ADCY5: variants seen among roughly 807,000 people sequenced by gnomAD.
ADCY5 encodes the protein adenylate cyclase type 5.
Under a neutral mutation model 119.7 loss-of-function variants are expected in ADCY5, and 30 were observed. That is an observed-to-expected ratio of 0.25 (90% CI 0.19 to 0.34). ADCY5 has a LOEUF of 0.34. ADCY5 is among the 10% of genes least tolerant of loss of function. ADCY5 has a pLI of 1.00. For missense variants in ADCY5, 1,324 were observed against 1,775.2 expected (o/e 0.75, Z 4.57); for synonymous variants, 753 against 762.2 (o/e 0.99, Z 0.20).
Position 123,297,186 on chromosome 3 carries a change from G to A in ADCY5, c.2930+167C>T, listed in dbSNP as rs76895737. 8.8e-4 allele frequency: 1,173 copies of A among 1,337,160 alleles called. 21 individuals carry two copies. The East Asian group carries it at 0.025, about 29-fold the overall frequency. The allele number at this position is 1,337,160 out of a possible 1,614,324, so 82.8% of individuals were successfully genotyped here. A position where few individuals can be genotyped will look rare whatever the true frequency, so the allele number is the denominator to read the frequency against. ...AAAGTGACCAGGGCCTCTGCCCCCC[G>A]AGGACGCCTTGCTACCCCAGGAGGA... On this transcript the variant is annotated intron_variant, in intron 16 of 20. Transcript: ENST00000462833.
chr3:123,412,433 G>C (rs116488955), intron 1 of ADCY5, among the ~76,000 whole-genome samples: 2,783 of 152,320 alleles, frequency 0.018, 77 homozygotes, highest in African/African-American at 0.063. Context: ...TCCAAAAGCC[G>C]GGAAACCATG....
At chr3:123,396,933 ATGC>A (rs1161336808) in intron 1 of ADCY5, among the ~76,000 whole-genome samples, 1 of 152,028 alleles carries the variant, frequency 6.6e-6, no homozygotes, top group African/African-American at 2.4e-5. Context: ...CTTCACACAC[ATGC>A]CTCACCCTTC....
chr3:123,396,620 AAGGG>A (rs139662616), intron 1 of ADCY5, among the ~76,000 whole-genome samples: 3,507 of 132,086 alleles, frequency 0.027, 171 homozygotes, highest in African/African-American at 0.092. Context: ...AGGGAGGAAG[AAGGG>A]AGGGAGGGAG....
chr3:123,379,702 GA>G (rs1436288303), intron 1 of ADCY5, among the ~76,000 whole-genome samples: 2 of 152,008 alleles, frequency 1.3e-5, no homozygotes, highest in African/African-American at 4.8e-5. Context: ...TGAGGGTGGG[GA>G]GGCCTCACAG....
intron 3 of ADCY5, among the ~76,000 whole-genome samples, chr3:123,333,723 G>A (rs1380277068): frequency 6.6e-6 from 1 of 152,220 alleles, no homozygotes; most frequent in Non-Finnish European, 1.5e-5. Flanking sequence ...CACCTCGAGG[G>A]CACTGGGCCT....
At chr3:123,312,706 C>A (rs188413908) in intron 12 of ADCY5, among the ~76,000 whole-genome samples, 9 of 152,336 alleles carry the variant, frequency 5.9e-5, no homozygotes, top group Non-Finnish European at 7.3e-5. Context: ...CAAGGTCCTT[C>A]TATGTCGTAG....
chr3:123,288,188 C>T (rs561438760), intron 19 of ADCY5, among the ~76,000 whole-genome samples: 16 of 152,330 alleles, frequency 1.1e-4, no homozygotes, highest in East Asian at 1.9e-4. Flanking sequence ...CCAGGGAAAG[C>T]CCGATTCCTG....
intron 7 of ADCY5, 124 bp from the exon 8 acceptor site, chr3:123,325,586 G>T: frequency 3.9e-6 from 5 of 1,266,778 alleles, no homozygotes; most frequent in Non-Finnish European, 5.6e-6. Context: ...TCTCTGCACA[G>T]CCCTGGAGCC....
At chr3:123,442,316 G>C (rs1945737286) in intron 1 of ADCY5, among the ~76,000 whole-genome samples, 3 of 152,298 alleles carry the variant, frequency 2.0e-5, no homozygotes, top group Admixed American at 1.3e-4. Context: ...CGCCATCACG[G>C]GAGGCTCCCT....
Position 123,303,093 on chromosome 3 carries a change from A to G in ADCY5, c.2686T>C (p.Phe896Leu). ...CAGTTGGGCCAGGGGCTGCCACAGA[A>G]GCCCTGCTCATCGCCCAGGCTGTAG... ...VNYSLGDEQG[F>L]CGSPWPNCNF... The change falls in exon 14 of 21, where the codon TTC (phenylalanine) becomes CTC (leucine). Residue 896 changes from phenylalanine to leucine, a missense_variant. Phe to Leu is a conservative substitution (Grantham distance 22). Coordinates refer to ENST00000462833, the MANE Select transcript of ADCY5 (RefSeq NM_183357.3). 1 of 1,613,840 alleles carries G rather than the reference A, an allele frequency of 6.2e-7. No homozygotes were observed. Among genetic ancestry groups the G allele is most frequent in the South Asian group, 1.1e-5 (1 of 91,088 alleles).
chr3:123,284,732 G>A lies in ADCY5; in HGVS notation c.3662C>T (p.Thr1221Ile). ...AGCCAGCACCTGGTACATGTCTGTG[G>A]TGACCTGTGGGGGAACAGGAGGAGA... ...STGVPDRIQV[T>I]TDMYQVLAAN... The change falls in exon 21 of 21, where the codon ACC (threonine) becomes ATC (isoleucine). Residue 1221 changes from threonine (T) to isoleucine (I), a missense_variant. Thr to Ile is a moderately conservative substitution (Grantham distance 89). Coordinates refer to ENST00000462833, the MANE Select transcript of ADCY5 (RefSeq NM_183357.3). 6.2e-7 allele frequency: 1 copy of A among 1,614,236 alleles called. No individual in the cohort carries two copies. The highest frequency in any genetic ancestry group is 8.5e-7 in the Non-Finnish European group (1 of 1,180,044).
intron 3 of ADCY5, among the ~76,000 whole-genome samples, chr3:123,341,851 A>C (rs141599301): frequency 6.6e-6 from 1 of 152,184 alleles, no homozygotes; most frequent in Non-Finnish European, 1.5e-5. Context: ...AGCTCAGTAA[A>C]TGTTTGTGGA....
rs1020556677 is a variant in ADCY5, at chr3:123,448,512, A to G, written c.34T>C (p.Tyr12His). Residue 12 changes from tyrosine (Y) to histidine (H), a missense_variant, in exon 1 of 21, where the codon TAC becomes CAC. By Grantham distance (83) the Tyr-to-His change is moderately conservative. Transcript: ENST00000462833. Reference protein sequence around the residue: ...SGSKSVSPPGYAAQKTAAPAP... With the variant: ...SGSKSVSPPGHAAQKTAAPAP... ...GGCGCCGCAGTCTTCTGCGCCGCGT[A>G]GCCCGGGGGGCTCACGCTTTTGGAG... is the stretch of plus-strand genomic sequence containing the variant. The G allele has an allele frequency of 4.5e-5, 57 of 1,265,776 alleles. No individual in the cohort carries two copies. The highest frequency in any genetic ancestry group is 5.6e-5 in the Non-Finnish European group (56 of 1,007,056). The allele number at this position is 1,265,776 out of a possible 1,614,324, so 78.4% of individuals were successfully genotyped here. A position where few individuals can be genotyped will look rare whatever the true frequency, so the allele number is the denominator to read the frequency against.
intron 11 of ADCY5, among the ~76,000 whole-genome samples, chr3:123,316,754 T>C (rs1470206482): frequency 6.6e-6 from 1 of 152,184 alleles, no homozygotes; most frequent in African/African-American, 2.4e-5. Context: ...GGGTAGTAGA[T>C]GATAGTAGGG....
In ADCY5 at chr3:123,327,602, C is replaced by A. The variant is rs373947771; in HGVS notation, c.1947+16G>T. On this transcript the variant is annotated intron_variant, in intron 7 of 20. Coordinates refer to ENST00000462833, the MANE Select transcript of ADCY5 (RefSeq NM_183357.3). ...GGAAGGGAGCCCCTCAGCCCCCCGG[C>A]CCCCAGCCCACAGACCCGCTTCTGG... The A allele has an allele frequency of 2.5e-6, 4 of 1,608,152 alleles. No homozygotes were observed. In the East Asian group the frequency reaches 6.7e-5, roughly 27 times the overall value.
chr3:123,447,134 AC>A (rs543193145), intron 1 of ADCY5, among the ~76,000 whole-genome samples: 138 of 152,208 alleles, frequency 9.1e-4, no homozygotes, highest in African/African-American at 3.3e-3. Context: ...TTCTCCTCCA[AC>A]CTTCCTCACT....
At chr3:123,315,108 G>T (rs1940841641) in intron 11 of ADCY5, among the ~76,000 whole-genome samples, 1 of 152,158 alleles carries the variant, frequency 6.6e-6, no homozygotes, top group African/African-American at 2.4e-5. Flanking sequence ...GCTGGCCCAG[G>T]GACAACACAC....
At chr3:123,340,180 T>C (rs1431734958) in intron 3 of ADCY5, among the ~76,000 whole-genome samples, 1 of 151,962 alleles carries the variant, frequency 6.6e-6, no homozygotes, top group African/African-American at 2.4e-5. Context: ...GGGTCCGAGT[T>C]ACTGGGAGCT....
chr3:123,318,212 G>T (rs1559801542), intron 10 of ADCY5, 95 bp from the exon 11 acceptor site: 2 of 917,792 alleles, frequency 2.2e-6, no homozygotes, highest in African/African-American at 1.6e-5. Context: ...GCCACTCATG[G>T]CTGGTCACCT....
Sources: allele counts gnomAD v4.1 joint callset (sites outside exome capture counted in the v4.1 genomes callset), GRCh38; gene constraint gnomAD v4.1.1; transcripts MANE v1.5; gene names NCBI Gene and HGNC (gene_info 2026-07-23, HGNC 2026-07-21).